Variants in EYS observed in about 807,000 individuals in gnomAD.
EYS encodes protein eyes shut homolog.
A neutral mutation model predicts 282.1 loss-of-function variants in EYS; 250 were observed. The ratio of observed to expected loss-of-function variants is 0.89; its 90% CI spans 0.80 to 0.98. The LOEUF (loss-of-function observed/expected upper bound fraction) is 0.98. Ranked by LOEUF, EYS falls within the 50% of genes least tolerant of loss-of-function variation. EYS has a pLI of 0.00. For synonymous variants in EYS, 1,355 were observed against 1,282.9 expected (o/e 1.06, Z -1.20); for missense variants, 4,016 against 3,709.0 (o/e 1.08, Z -2.15).
intron 1 of EYS, among the ~76,000 whole-genome samples, chr6:65,694,742 T>TA (rs34494006): frequency 0.55 from 73,875 of 135,416 alleles, 22,017 homozygotes; most frequent in East Asian, 0.71. Context: ...GTTGTAGATT[T>TA]AAAAAAAAAA....
In EYS at chr6:64,388,773, T is replaced by C. The variant is rs893294562; in HGVS notation, c.5995A>G (p.Ile1999Val). 1.3e-5 allele frequency: 20 copies of C among 1,545,092 alleles called. 1 individual carries two copies. The Admixed American group carries it at 1.8e-4, about 14-fold the overall frequency. ...AGGGGTTTTCCGAGTACATGATTGA[T>C]AGATTCGCATATTTGTGTATTCCTC... ...LGRNTQICES[I>V]NHVLGKPLPK... The change falls in exon 29 of 43, where the codon ATC becomes GTC. Residue 1999 changes from isoleucine (I) to valine (V), a missense_variant. Physicochemically the swap from Ile to Val is conservative, Grantham distance 29. Coordinates refer to ENST00000503581, the MANE Select transcript of EYS (RefSeq NM_001142800.2).
At chr6:64,356,321 C>T (rs1289455680) in intron 29 of EYS, among the ~76,000 whole-genome samples, 1 of 151,468 alleles carries the variant, frequency 6.6e-6, no homozygotes, top group Non-Finnish European at 1.5e-5. Context: ...GTTCAATACA[C>T]AGTATTGGGA....
chr6:64,642,853 C>G (rs1019626451), intron 22 of EYS, among the ~76,000 whole-genome samples: 1 of 152,176 alleles, frequency 6.6e-6, no homozygotes, highest in East Asian at 1.9e-4. Context: ...CGGTGGCTCA[C>G]GCCTGTAATC....
chr6:64,342,429 G>T (rs879393984), intron 29 of EYS, among the ~76,000 whole-genome samples: 2 of 151,850 alleles, frequency 1.3e-5, no homozygotes, highest in South Asian at 4.1e-4. Flanking sequence ...TTAAAGAAAA[G>T]AATTTTCAAC....
chr6:65,397,464 G>T (rs996115007), intron 7 of EYS, among the ~76,000 whole-genome samples: 1 of 151,862 alleles, frequency 6.6e-6, no homozygotes, highest in African/African-American at 2.4e-5. Context: ...TAAGTGAAAA[G>T]ATTAGGTTTT....
chr6:65,345,368 A>T (rs1770355222), intron 9 of EYS, among the ~76,000 whole-genome samples: 4 of 151,828 alleles, frequency 2.6e-5, no homozygotes, highest in African/African-American at 2.4e-5. Context: ...TAATTAACTC[A>T]AACAGGATTA....
chr6:65,009,020 G>T (rs971607497), intron 13 of EYS, among the ~76,000 whole-genome samples: 1 of 152,140 alleles, frequency 6.6e-6, no homozygotes, highest in Non-Finnish European at 1.5e-5. Context: ...TCCCTTGTTA[G>T]GGAGAGACAT....
intron 32 of EYS, among the ~76,000 whole-genome samples, chr6:64,069,765 G>A (rs753793316): frequency 6.6e-6 from 1 of 152,044 alleles, no homozygotes; most frequent in Non-Finnish European, 1.5e-5. Context: ...TTAAAATCCA[G>A]TGAGAACTCT....
At chr6:64,497,419 T>C (rs2150509644) in intron 26 of EYS, among the ~76,000 whole-genome samples, 1 of 152,244 alleles carries the variant, frequency 6.6e-6, no homozygotes, top group Non-Finnish European at 1.5e-5. Flanking sequence ...GGTTGAAGAA[T>C]TTCATAATGC....
chr6:65,652,450 G>A (rs1354200261), intron 1 of EYS, among the ~76,000 whole-genome samples: 1 of 151,834 alleles, frequency 6.6e-6, no homozygotes, highest in East Asian at 1.9e-4. Flanking sequence ...CCAGAGAAGT[G>A]TAATGGTGGT....
At chr6:64,480,739 T>C (rs1020318393) in intron 26 of EYS, among the ~76,000 whole-genome samples, 1 of 151,842 alleles carries the variant, frequency 6.6e-6, no homozygotes, top group African/African-American at 2.4e-5. Flanking sequence ...GCAGTTTAGC[T>C]AAAATGAGGT....
At chr6:64,462,050 A>G (rs963177019) in intron 26 of EYS, among the ~76,000 whole-genome samples, 1 of 152,182 alleles carries the variant, frequency 6.6e-6, no homozygotes, top group African/African-American at 2.4e-5. Context: ...TTAAGAAGTA[A>G]CAATTTGTGT....
intron 1 of EYS, among the ~76,000 whole-genome samples, chr6:65,665,329 T>C (rs1346281655): frequency 6.6e-6 from 1 of 152,140 alleles, no homozygotes; most frequent in Non-Finnish European, 1.5e-5. Flanking sequence ...TCTTCATTTA[T>C]CTCTTAAAGC....
rs141508819 is a variant in EYS at position 65,471,336 on chromosome 6, C to A, written c.862+19258G>T. 6.7e-3 allele frequency among the ~76,000 whole-genome samples: 1,011 copies of A among 151,422 alleles called. 10 individuals carry two copies. The highest frequency in any genetic ancestry group is 0.023 in the African/African-American group (962 of 41,290). On this transcript the variant is annotated intron_variant, in intron 5 of 42. Transcript: ENST00000503581. ...ACTTAAGCCCAGGAGGTTGAGGCTG[C>A]TGTGGGTTGAGATCACATCACTGCA...
At chr6:64,805,034 T>C (rs1351880493) in intron 22 of EYS, among the ~76,000 whole-genome samples, 1 of 152,070 alleles carries the variant, frequency 6.6e-6, no homozygotes, top group Non-Finnish European at 1.5e-5. Context: ...TTAAGTTATA[T>C]AATAATTAGA....
At chr6:63,853,487 C>T (rs1169532034) in intron 36 of EYS, among the ~76,000 whole-genome samples, 1 of 152,094 alleles carries the variant, frequency 6.6e-6, no homozygotes, top group Admixed American at 6.6e-5. Context: ...TAAGAGAGGA[C>T]ACAGACAAAT....
At chr6:64,758,265 T>C (rs1773023276) in intron 22 of EYS, among the ~76,000 whole-genome samples, 1 of 152,150 alleles carries the variant, frequency 6.6e-6, no homozygotes, top group Non-Finnish European at 1.5e-5. Flanking sequence ...CTCCTCTAAA[T>C]AAGTTAAAAC....
chr6:64,428,953 C>G (rs1413456468), intron 28 of EYS, among the ~76,000 whole-genome samples: 1 of 152,018 alleles, frequency 6.6e-6, no homozygotes, highest in Non-Finnish European at 1.5e-5. Flanking sequence ...AACATCTGCC[C>G]TTTTTGATCA....
chr6:65,632,209 C>T (rs889442202), intron 2 of EYS, among the ~76,000 whole-genome samples: 2 of 152,114 alleles, frequency 1.3e-5, no homozygotes, highest in Admixed American at 1.3e-4. Context: ...ATGCTGAATG[C>T]AAAGCAACTG....
Sources: gnomAD v4.1 joint callset for allele counts (sites outside exome capture counted in the v4.1 genomes callset) on GRCh38, gnomAD v4.1.1 for gene constraint, MANE v1.5 for transcripts, NCBI Gene and HGNC (gene_info 2026-07-23, HGNC 2026-07-21) for gene names.